Variants in ZNF385D observed in about 807,000 individuals in gnomAD.
ZNF385D encodes the protein zinc finger protein 659.
Under a neutral mutation model 35.8 loss-of-function variants are expected in ZNF385D, and 15 were observed. The ratio of observed to expected loss-of-function variants is 0.42; its 90% CI spans 0.28 to 0.64. The LOEUF (loss-of-function observed/expected upper bound fraction) is 0.64. ZNF385D is among the 30% of genes least tolerant of loss of function. The probability of loss-of-function intolerance (pLI) is 0.23; values close to 1 mark genes in which losing one functional copy is unlikely to be tolerated. For missense variants in ZNF385D, 474 were observed against 494.6 expected (o/e 0.96, Z 0.39); for synonymous variants, 212 against 186.8 (o/e 1.13, Z -1.10).
chr3:21,868,872 T>G (rs1005440879), intron 3 of ZNF385D, among the ~76,000 whole-genome samples: 1 of 152,124 alleles, frequency 6.6e-6, no homozygotes, highest in Non-Finnish European at 1.5e-5. Context: ...ATCTGTTACA[T>G]GGACACTCGA....
At chr3:22,235,737 A>G (rs1184208412) in intron 2 of ZNF385D, among the ~76,000 whole-genome samples, 4 of 152,152 alleles carry the variant, frequency 2.6e-5, no homozygotes, top group Non-Finnish European at 4.4e-5. Context: ...CTTATCAAAG[A>G]TTAATATGCT....
rs1328114313 is a variant in ZNF385D, at chr3:21,562,753, ATTGT to A, written c.276+1817_276+1820del. The stretch of plus-strand genomic sequence containing the variant: ...AAAATAATAATTATAAAACTATATA[ATTGT>A]TTGCTGAGTGTTTAAAAATGATCAA... On this transcript the variant is annotated intron_variant, in intron 3 of 7. Transcript: ENST00000281523. Among the ~76,000 whole-genome samples the A allele has an allele frequency of 4.6e-5, 7 of 152,280 alleles. No individual in the cohort carries two copies. In the East Asian group the frequency reaches 1.3e-3, roughly 29 times the overall value.
rs140346758 is a variant in ZNF385D, at chr3:22,018,165, G to A, written c.325+150652C>T. Among the ~76,000 whole-genome samples the A allele has an allele frequency of 5.6e-3, 849 of 151,420 alleles. 8 individuals are homozygous for A. The highest frequency in any genetic ancestry group is 0.019 in the African/African-American group (780 of 41,430). ...TTATTGTTTAAAAAATATTCTCTGT[G>A]TTTTAATTTTTAAAGATGCGCAGTA... On this transcript the variant is annotated intron_variant, in intron 3 of 5. Coordinates refer to the ZNF385D transcript ENST00000494108.
Position 21,414,463 on chromosome 3 carries a change from G to A in ZNF385D, c.*6751C>T, listed in dbSNP as rs1196572764. On this transcript the variant is annotated 3_prime_UTR_variant, in exon 8 of 8. Transcript: ENST00000281523. ...ATCAGGTCAGTTCCATCTTAAATAT[G>A]TAGTAATATAAACGCTGTAACTATA... 6.6e-6 allele frequency: 1 copy of A among 152,072 alleles called. No individual in the cohort carries two copies. The highest frequency in any genetic ancestry group is 1.5e-5 in the Non-Finnish European group (1 of 67,994). 9.4% of individuals were successfully genotyped at this position (152,072 alleles called of 1,614,324 possible).
chr3:21,785,278 G>A (rs1463335260), intron 3 of ZNF385D, among the ~76,000 whole-genome samples: 2 of 151,856 alleles, frequency 1.3e-5, no homozygotes, highest in Non-Finnish European at 2.9e-5. Context: ...ATATATATAT[G>A]GTTCATAACT....
At chr3:22,062,421 C>A (rs71312026) in intron 3 of ZNF385D, among the ~76,000 whole-genome samples, 7,021 of 152,184 alleles carry the variant, frequency 0.046, 238 homozygotes, top group South Asian at 0.14. Flanking sequence ...TACTTTATAA[C>A]ACTTTAAATG....
chr3:22,270,660 C>T (rs757608193), intron 2 of ZNF385D, among the ~76,000 whole-genome samples: 1 of 134,464 alleles, frequency 7.4e-6, no homozygotes, highest in African/African-American at 3.6e-5. Context: ...GATGTGAGAT[C>T]TTTACTTATT....
chr3:21,762,838 T>G (rs7613563), intron 3 of ZNF385D, among the ~76,000 whole-genome samples: 1 of 152,122 alleles, frequency 6.6e-6, no homozygotes, highest in Non-Finnish European at 1.5e-5. Context: ...TTGGACCAAC[T>G]TGGGGCACCT....
chr3:21,440,411 G>A (rs1434190300), intron 4 of ZNF385D, among the ~76,000 whole-genome samples: 2 of 152,014 alleles, frequency 1.3e-5, no homozygotes, highest in Non-Finnish European at 2.9e-5. Flanking sequence ...TTCCTGACCA[G>A]TACTCCTCAA....
chr3:21,556,607 G>A (rs2062751458), intron 3 of ZNF385D, among the ~76,000 whole-genome samples: 1 of 152,134 alleles, frequency 6.6e-6, no homozygotes, highest in South Asian at 2.1e-4. Flanking sequence ...CCAATACCAT[G>A]CTGTTTTGGT....
chr3:22,185,713 G>A (rs962770268), intron 2 of ZNF385D, among the ~76,000 whole-genome samples: 4 of 152,234 alleles, frequency 2.6e-5, no homozygotes, highest in Admixed American at 6.5e-5. Flanking sequence ...TGATCCACCC[G>A]CCTTGGCCTT....
At chr3:21,603,761 A>C (rs1271976714) in intron 2 of ZNF385D, among the ~76,000 whole-genome samples, 1 of 152,164 alleles carries the variant, frequency 6.6e-6, no homozygotes, top group East Asian at 1.9e-4. Context: ...AGGTGGTGGG[A>C]GTCATGGGAG....
In ZNF385D at chr3:21,421,273, G is replaced by T. The variant is rs1185518718; in HGVS notation, c.1129C>A (p.Arg377=). The T allele has an allele frequency of 2.5e-6, 4 of 1,614,016 alleles. No homozygotes were observed. Among genetic ancestry groups the T allele is most frequent in the Non-Finnish European group, 3.4e-6 (4 of 1,180,044 alleles). ...GTCCGAATGGGTCCAGGAGCTGGCC[G>T]CAGGAGTGCCGGAGGAAGCGCGGAA... ...QTSALPPALL[R]PAPGPIRTAH... Residue 377 remains arginine (R), a synonymous_variant, in exon 8 of 8, where the codon CGG becomes AGG. Transcript: ENST00000281523.
intron 2 of ZNF385D, among the ~76,000 whole-genome samples, chr3:22,214,104 A>C (rs1039514396): frequency 6.6e-6 from 1 of 152,094 alleles, no homozygotes; most frequent in Admixed American, 6.6e-5. Context: ...CCATGGCAGA[A>C]GAACATGGAT....
intron 3 of ZNF385D, among the ~76,000 whole-genome samples, chr3:21,541,387 T>C (rs1406812090): frequency 3.3e-5 from 5 of 152,138 alleles, no homozygotes. Context: ...AAAAATAAAG[T>C]TCATTTTTTC....
At chr3:22,008,347 A>T (rs1442470876) in intron 3 of ZNF385D, among the ~76,000 whole-genome samples, 1 of 110,084 alleles carries the variant, frequency 9.1e-6, no homozygotes, top group East Asian at 2.3e-4. Flanking sequence ...ACTTTCATAC[A>T]GGCCATGATT....
chr3:21,998,557 A>G (rs1001137526), intron 3 of ZNF385D, among the ~76,000 whole-genome samples: 2 of 152,174 alleles, frequency 1.3e-5, no homozygotes, highest in East Asian at 1.9e-4. Context: ...CTTGTTGCAG[A>G]TATCTTTAAC....
chr3:21,587,709 G>A (rs959929192), intron 2 of ZNF385D, among the ~76,000 whole-genome samples: 1 of 151,164 alleles, frequency 6.6e-6, no homozygotes, highest in African/African-American at 2.5e-5. Flanking sequence ...AGACATAAGA[G>A]TGAATGATAT....
At chr3:22,084,419 G>T (rs1700921589) in intron 3 of ZNF385D, among the ~76,000 whole-genome samples, 1 of 152,072 alleles carries the variant, frequency 6.6e-6, no homozygotes, top group East Asian at 1.9e-4. Flanking sequence ...AAAAGCAGGG[G>T]TTGCAATCCT....
Sources: allele counts gnomAD v4.1 joint callset (sites outside exome capture counted in the v4.1 genomes callset), GRCh38; gene constraint gnomAD v4.1.1; transcripts MANE v1.5; gene names NCBI Gene and HGNC (gene_info 2026-07-23, HGNC 2026-07-21).